The following ATG7 variants were observed in gnomAD, a reference collection of about 807,000 sequenced individuals.
The protein encoded by ATG7 is autophagy related 7.
ATG7 carries 70 observed loss-of-function variants against 82.4 expected under a neutral mutation model. The observed-to-expected ratio is 0.85, with a 90% CI of 0.70 to 1.04. The LOEUF (loss-of-function observed/expected upper bound fraction) is 1.04, where lower values mean the gene tolerates loss of function less well. ATG7 is among the 50% of genes least tolerant of loss of function. ATG7 has a pLI of 0.00. For synonymous variants in ATG7, 287 were observed against 313.0 expected, an observed-to-expected ratio of 0.92 and a Z score of 0.88; for missense variants, 792 against 864.3, an observed-to-expected ratio of 0.92 and a Z score of 1.05.
intron 20 of ATG7, among the ~76,000 whole-genome samples, chr3:11,442,739 C>CAAAAAAAA (rs57073881): frequency 2.6e-4 from 18 of 69,246 alleles, no homozygotes; most frequent in African/African-American, 9.1e-4. Context: ...TCCATCTCTA[C>CAAAAAAAA]AAAAAAAAAA....
intron 18 of ATG7, among the ~76,000 whole-genome samples, chr3:11,368,035 A>G (rs1349325811): frequency 6.6e-6 from 1 of 151,744 alleles, no homozygotes; most frequent in Non-Finnish European, 1.5e-5. Context: ...TTATTATTGC[A>G]TCCTTCCTAT....
chr3:11,462,900 TTTG>T (rs2086475612), intron 20 of ATG7, among the ~76,000 whole-genome samples: 1 of 136,918 alleles, frequency 7.3e-6, no homozygotes, highest in Non-Finnish European at 1.6e-5. Context: ...TTTATTTATT[TTTG>T]AGACAGAGTT....
intron 20 of ATG7, among the ~76,000 whole-genome samples, chr3:11,533,038 C>T (rs557919787): frequency 2.0e-5 from 3 of 152,266 alleles, no homozygotes; most frequent in East Asian, 1.9e-4. Context: ...CCAGCCTGAG[C>T]GGGAATGACT....
intron 7 of ATG7, among the ~76,000 whole-genome samples, chr3:11,309,358 A>C (rs1948269027): frequency 6.6e-6 from 1 of 152,206 alleles, no homozygotes; most frequent in African/African-American, 2.4e-5. Context: ...CGCCTTTGTT[A>C]AATACCATCC....
At chr3:11,405,217 A>C (rs1393745373) in intron 19 of ATG7, among the ~76,000 whole-genome samples, 4 of 152,148 alleles carry the variant, frequency 2.6e-5, no homozygotes, top group Admixed American at 2.6e-4. Context: ...TCCTGACACC[A>C]TACAGGTGAC....
At chr3:11,311,691 G>A (rs879206568) in intron 7 of ATG7, among the ~76,000 whole-genome samples, 1 of 151,504 alleles carries the variant, frequency 6.6e-6, no homozygotes, top group Admixed American at 6.6e-5. Flanking sequence ...AATCATTTAA[G>A]TACAAAGAAG....
At chr3:11,368,283 T>C (rs1356654290) in intron 18 of ATG7, among the ~76,000 whole-genome samples, 1 of 151,396 alleles carries the variant, frequency 6.6e-6, no homozygotes, top group East Asian at 1.9e-4. Flanking sequence ...GAAACACTGC[T>C]TTTTCCCTCC....
chr3:11,340,856 G>A (rs1953452419), intron 12 of ATG7, 121 bp downstream of exon 12: 1 of 763,688 alleles, frequency 1.3e-6, no homozygotes, highest in South Asian at 1.8e-5. Context: ...ATGCTGCCGT[G>A]TGTTACTCTG....
At chr3:11,554,573 C>A (rs1213127304) in intron 20 of ATG7, among the ~76,000 whole-genome samples, 1 of 152,170 alleles carries the variant, frequency 6.6e-6, no homozygotes, top group African/African-American at 2.4e-5. Flanking sequence ...GAGGCACATT[C>A]CCCAGTGCAA....
intron 20 of ATG7, among the ~76,000 whole-genome samples, chr3:11,528,532 G>A (rs954301798): frequency 8.6e-5 from 13 of 152,024 alleles, no homozygotes; most frequent in African/African-American, 2.9e-4. Context: ...AATGCATATA[G>A]AAAGTTAAAA....
In ATG7 at chr3:11,308,002, T is replaced by C. The variant is rs371811319; in HGVS notation, c.333+942T>C. 9.2e-5 allele frequency among the ~76,000 whole-genome samples: 14 copies of C among 152,294 alleles called. No individual in the cohort carries two copies. In the East Asian group the frequency reaches 1.5e-3, roughly 17 times the overall value. On this transcript the variant is annotated intron_variant, in intron 6 of 20. Transcript: ENST00000693202. ...AGAATTGGGTCAGGCCTTAATCATC[T>C]TGGAAAAAAGCAGGCTCTGCCCCCA...
intron 11 of ATG7, among the ~76,000 whole-genome samples, chr3:11,339,062 C>T (rs1018678301): frequency 2.0e-5 from 3 of 151,968 alleles, no homozygotes; most frequent in African/African-American, 7.2e-5. Context: ...TTTGGGAGGC[C>T]AAGGCGGGTG....
At chr3:11,380,076 A>C (rs2077766405) in intron 19 of ATG7, 24 bp downstream of exon 19, 2 of 1,608,308 alleles carry the variant, frequency 1.2e-6, no homozygotes, top group African/African-American at 2.7e-5. Context: ...TATTGGAGGG[A>C]CTTGTTTTTA....
At chr3:11,378,882 G>A (rs1219717369) in intron 18 of ATG7, among the ~76,000 whole-genome samples, 2 of 151,918 alleles carry the variant, frequency 1.3e-5, no homozygotes, top group Admixed American at 1.3e-4. Context: ...GGGGATTTGA[G>A]GGAGAGGGCA....
chr3:11,315,448 C>T lies in ATG7; in HGVS notation c.633C>T (p.Ser211=). The change falls in exon 9 of 21, where the codon TCC becomes TCT. Residue 211 remains serine, a synonymous_variant. Transcript: ENST00000693202. ...ATGATGAGAACATGGTGCTGGTTTCCTTGCTTAAACACTACAGTGATTTCT... is the reference window on the plus strand; with the variant it reads ...ATGATGAGAACATGGTGCTGGTTTCTTTGCTTAAACACTACAGTGATTTCT... ...IKYDENMVLV[S]LLKHYSDFFQ... is the part of the protein sequence containing the mutation. 6.2e-7 allele frequency: 1 copy of T among 1,611,828 alleles called. No homozygotes were observed. The highest frequency in any genetic ancestry group is 1.1e-5 in the South Asian group (1 of 90,454).
chr3:11,303,051 G>C (rs1377321581), intron 5 of ATG7, among the ~76,000 whole-genome samples: 2 of 152,196 alleles, frequency 1.3e-5, no homozygotes, highest in Non-Finnish European at 2.9e-5. Flanking sequence ...CCATGTTGTG[G>C]CTCCATTATC....
At chr3:11,315,724 T>C (rs1021198340) in intron 9 of ATG7, among the ~76,000 whole-genome samples, 2 of 151,662 alleles carry the variant, frequency 1.3e-5, no homozygotes, top group African/African-American at 4.8e-5. Context: ...TACCTTACTC[T>C]TTTTTTTTGT....
chr3:11,379,683 A>C (rs751630211), intron 18 of ATG7, among the ~76,000 whole-genome samples: 9 of 152,216 alleles, frequency 5.9e-5, no homozygotes, highest in Non-Finnish European at 8.8e-5. Context: ...AATACTTTAG[A>C]TACTACAGCT....
intron 18 of ATG7, among the ~76,000 whole-genome samples, chr3:11,372,817 C>T (rs181535497): frequency 1.4e-4 from 11 of 80,024 alleles, no homozygotes; most frequent in Non-Finnish European, 2.4e-4. Flanking sequence ...TGTGTGTGTG[C>T]GCGCGTGTGC....
Sources: allele counts gnomAD v4.1 joint callset (sites outside exome capture counted in the v4.1 genomes callset), GRCh38; gene constraint gnomAD v4.1.1; transcripts MANE v1.5; gene names NCBI Gene and HGNC (gene_info 2026-07-23, HGNC 2026-07-21).